The following NKX6-3 variants were observed in gnomAD, a reference collection of about 807,000 sequenced individuals.
The protein encoded by NKX6-3 is NK6 homeobox 3, also known as homeobox protein Nkx-6.3.
In NKX6-3, 17 loss-of-function variants were observed where a neutral mutation model predicts 22.0. The ratio of observed to expected loss-of-function variants is 0.77; its 90% CI spans 0.53 to 1.16. NKX6-3 has a LOEUF of 1.16. Ranked by LOEUF, NKX6-3 falls within the 50% of genes most tolerant of loss-of-function variation. The pLI, the probability that NKX6-3 is intolerant of heterozygous loss-of-function variation, is 0.00. For synonymous variants in NKX6-3, 177 were observed against 167.2 expected, an observed-to-expected ratio of 1.06 and a Z score of -0.45; for missense variants, 363 against 359.0, an observed-to-expected ratio of 1.01 and a Z score of -0.09.
At position 41,650,617 on chromosome 8, in the gene NKX6-3, C is replaced by T; in HGVS notation, c.-125G>A. 1.0e-6 allele frequency: 1 copy of T among 995,104 alleles called. No homozygotes were observed. The highest frequency in any genetic ancestry group is 1.4e-6 in the Non-Finnish European group (1 of 696,304). 61.6% of individuals were successfully genotyped at this position (995,104 alleles called of 1,614,324 possible). On this transcript the variant is annotated 5_prime_UTR_variant, in exon 1 of 3. Transcript: ENST00000518699. ...CGTCTCCGAGCTCCTGACTGCCTCC[C>T]ACCTAAGGCATGGGCCAGGCCCTGG...
rs1230778561 is a variant in NKX6-3 at position 41,646,387 on chromosome 8, G to A, written c.*62C>T. ...AGGAGCGTGGGGAAGGGGAGGGGAAGGTAGGCTCCTCGGCGTCCCCCCGCA... is the reference window on the plus strand; with the variant it reads ...AGGAGCGTGGGGAAGGGGAGGGGAAAGTAGGCTCCTCGGCGTCCCCCCGCA... On this transcript the variant is annotated 3_prime_UTR_variant, in exon 3 of 3. Transcript: ENST00000518699. 2 of 1,533,640 alleles carry A rather than the reference G, an allele frequency of 1.3e-6. No individual in the cohort carries two copies. The highest frequency in any genetic ancestry group is 1.7e-6 in the Non-Finnish European group (2 of 1,145,652).
chr8:41,648,021 A>C, intron 2 of NKX6-3, 45 bp downstream of exon 2: 1 of 1,481,074 alleles, frequency 6.8e-7, no homozygotes, highest in Non-Finnish European at 9.0e-7. Context: ...CCTGTCCGGC[A>C]GGCTCCTCCC....
In NKX6-3 at chr8:41,646,387, G is replaced by C. The variant is rs1230778561; in HGVS notation, c.*62C>G. The C allele has an allele frequency of 2.2e-5, 33 of 1,533,758 alleles. No individual in the cohort carries two copies. The South Asian group carries it at 3.7e-4, about 17-fold the overall frequency. On this transcript the variant is annotated 3_prime_UTR_variant, in exon 3 of 3. Coordinates refer to ENST00000518699, the MANE Select transcript of NKX6-3 (RefSeq NM_001364841.2). ...AGGAGCGTGGGGAAGGGGAGGGGAA[G>C]GTAGGCTCCTCGGCGTCCCCCCGCA...
chr8:41,646,299 T>G lies in NKX6-3; in HGVS notation c.*150A>C, dbSNP rs1359513743. The G allele has an allele frequency of 2.5e-4, 240 of 975,010 alleles. 2 individuals are homozygous for G. Among genetic ancestry groups the G allele is most frequent in the Non-Finnish European group, 3.7e-5 (25 of 678,358 alleles). 60.4% of individuals were successfully genotyped at this position (975,010 alleles called of 1,614,324 possible). A position where few individuals can be genotyped will look rare whatever the true frequency, so the allele number is the denominator to read the frequency against. ...TCCCCCGCCTCCCCTCCTCCTCCCC[T>G]GCACCTGCTGCTCCTCCTCCACGCG... On this transcript the variant is annotated 3_prime_UTR_variant, in exon 3 of 3. Transcript: ENST00000518699.
chr8:41,649,982 G>A, intron 1 of NKX6-3, 129 bp downstream of exon 1: 1 of 1,010,534 alleles, frequency 9.9e-7, no homozygotes. Flanking sequence ...GAGGCTACGA[G>A]TCCAGGGGTT....
In NKX6-3 at chr8:41,646,400, G is replaced by T. The variant is rs1804200505; in HGVS notation, c.*49C>A. On this transcript the variant is annotated 3_prime_UTR_variant, in exon 3 of 3. Transcript: ENST00000518699. ...AGGGGAGGGGAAGGTAGGCTCCTCG[G>T]CGTCCCCCCGCAGGCTGCAGCCAGG... The T allele has an allele frequency of 1.3e-6, 2 of 1,544,324 alleles. No homozygotes were observed. Among genetic ancestry groups the T allele is most frequent in the South Asian group, 2.4e-5 (2 of 84,316 alleles).
At chr8:41,648,265 T>A in intron 1 of NKX6-3, 30 bp from the exon 2 acceptor site, 1 of 1,517,220 alleles carries the variant, frequency 6.6e-7, no homozygotes, top group Non-Finnish European at 8.8e-7. Context: ...GTGGGGTTAG[T>A]AGAATAAGTG....
At position 41,650,452 on chromosome 8, in the gene NKX6-3, G is replaced by A. The variant is rs1804296393; in HGVS notation, c.41C>T (p.Thr14Met). The A allele has an allele frequency of 2.6e-6, 4 of 1,535,630 alleles. No individual in the cohort carries two copies. Among genetic ancestry groups the A allele is most frequent in the Admixed American group, 2.0e-5 (1 of 50,976 alleles). The change falls in exon 1 of 3, where the codon ACG becomes ATG. Residue 14 changes from threonine (T) to methionine (M), a missense_variant. Physicochemically the swap from Thr to Met is moderately conservative, Grantham distance 81 (BLOSUM62 -1). Around this residue, in one of 3 missense-constraint regions of NKX6-3, gnomAD observed 175 missense variants for 160.9 expected, o/e 1.09. Transcript: ENST00000518699. The part of the protein sequence containing the change: ...NLQGTFLLNN[T>M]PLAQFPEMKA... ...CATCTCCGGAAACTGAGCCAGCGGC[G>A]TGTTGTTCAGCAGGAACGTCCCCTG...
At chr8:41,649,360 G>C (rs1239262919) in intron 1 of NKX6-3, among the ~76,000 whole-genome samples, 2 of 152,182 alleles carry the variant, frequency 1.3e-5, no homozygotes, top group Admixed American at 6.5e-5. Flanking sequence ...CGGTGGCACG[G>C]AGAAGATTCC....
chr8:41,646,277 C>T lies in NKX6-3; in HGVS notation c.*172G>A, dbSNP rs1289557524. On this transcript the variant is annotated 3_prime_UTR_variant, in exon 3 of 3. Transcript: ENST00000518699. ...CTTTCCCTCCTTTTCCTCCTCCTCC[C>T]CCGCCTCCCCTCCTCCTCCCCTGCA... 3 of 867,792 alleles carry T rather than the reference C, an allele frequency of 3.5e-6. No individual in the cohort carries two copies. Among genetic ancestry groups the T allele is most frequent in the Non-Finnish European group, 3.5e-6 (2 of 578,828 alleles). The allele number at this position is 867,792 out of a possible 1,614,324, so 53.8% of individuals were successfully genotyped here.
rs913614028 is a variant in NKX6-3 at position 41,645,728 on chromosome 8, G to C, written c.*721C>G. On this transcript the variant is annotated 3_prime_UTR_variant, in exon 3 of 3. Coordinates refer to ENST00000518699, the MANE Select transcript of NKX6-3 (RefSeq NM_001364841.2). ...GCGGTCTCAGAGGTATTGACCCTGA[G>C]GGTAAATCGGAGAAAGGAGGCCAGG... 1 of 152,470 alleles carries C rather than the reference G, an allele frequency of 6.6e-6. No individual in the cohort carries two copies. The highest frequency in any genetic ancestry group is 1.5e-5 in the Non-Finnish European group (1 of 68,244). The allele number at this position is 152,470 out of a possible 1,614,324, so 9.4% of individuals were successfully genotyped here.
chr8:41,650,631 G>GCCAGGCCCTGGC lies in NKX6-3; in HGVS notation c.-151_-140dup, dbSNP rs1433326903. On this transcript the variant is annotated 5_prime_UTR_variant, in exon 1 of 3. Transcript: ENST00000518699. ...TGACTGCCTCCCACCTAAGGCATGG[G>GCCAGGCCCTGGC]CCAGGCCCTGGCCCAGGAACCGGCA... The GCCAGGCCCTGGC allele has an allele frequency of 1.7e-5, 15 of 895,314 alleles. No homozygotes were observed. The highest frequency in any genetic ancestry group is 2.9e-5 in the Admixed American group (1 of 34,236). The allele number at this position is 895,314 out of a possible 1,614,324, so 55.5% of individuals were successfully genotyped here. A position where few individuals can be genotyped will look rare whatever the true frequency, so the allele number is the denominator to read the frequency against.
chr8:41,648,398 AGTGACT>A (rs1408153784), intron 1 of NKX6-3, among the ~76,000 whole-genome samples, 163 bp from the exon 2 acceptor site: 3 of 152,156 alleles, frequency 2.0e-5, no homozygotes, highest in Non-Finnish European at 4.4e-5. Flanking sequence ...ATTGGGGAAC[AGTGACT>A]GTGACCTCTG....
chr8:41,649,701 C>A (rs1203895777), intron 1 of NKX6-3, among the ~76,000 whole-genome samples: 1 of 152,196 alleles, frequency 6.6e-6, no homozygotes, highest in Non-Finnish European at 1.5e-5. Flanking sequence ...GGAAGGTGAG[C>A]TAGGACATTT....
Position 41,646,400 on chromosome 8 carries a change from G to A in NKX6-3, c.*49C>T. 3 of 1,544,324 alleles carry A rather than the reference G, an allele frequency of 1.9e-6. No homozygotes were observed. Among genetic ancestry groups the A allele is most frequent in the Non-Finnish European group, 2.6e-6 (3 of 1,150,666 alleles). On this transcript the variant is annotated 3_prime_UTR_variant, in exon 3 of 3. Coordinates refer to ENST00000518699, the MANE Select transcript of NKX6-3 (RefSeq NM_001364841.2). ...AGGGGAGGGGAAGGTAGGCTCCTCG[G>A]CGTCCCCCCGCAGGCTGCAGCCAGG...
At chr8:41,649,319 T>C (rs1052806213) in intron 1 of NKX6-3, among the ~76,000 whole-genome samples, 1 of 151,996 alleles carries the variant, frequency 6.6e-6, no homozygotes, top group Non-Finnish European at 1.5e-5. Context: ...CAGACAGAAA[T>C]GGAGGCCCCT....
chr8:41,646,583 C>T lies in NKX6-3; in HGVS notation c.664G>A (p.Ala222Thr), dbSNP rs1055665503. The T allele has an allele frequency of 1.3e-6, 2 of 1,579,706 alleles. No homozygotes were observed. The highest frequency in any genetic ancestry group is 1.7e-6 in the Non-Finnish European group (2 of 1,163,526). The change falls in exon 3 of 3, where the codon GCA becomes ACA. Residue 222 changes from alanine to threonine, a missense_variant. Physicochemically the swap from Ala to Thr is moderately conservative, Grantham distance 58. Coordinates refer to ENST00000518699, the MANE Select transcript of NKX6-3 (RefSeq NM_001364841.2). ...TCGTCGTCCTCGTTCTCCGAGGGTG[C>T]GCGGTCCCCGCCTGCGCCTGCACCC... ...GAGAGAGGDR[A>T]PSENEDDEYN...
rs1585693045 is a variant in NKX6-3 at position 41,645,515 on chromosome 8, T to A, written c.*934A>T. ...CTCCCTTCCTGCCTTGTTGGAGGGGTGCCGTTCTGGGGTCTTTCCCAGCCC... is the reference window on the plus strand; with the variant it reads ...CTCCCTTCCTGCCTTGTTGGAGGGGAGCCGTTCTGGGGTCTTTCCCAGCCC... On this transcript the variant is annotated 3_prime_UTR_variant, in exon 3 of 3. Transcript: ENST00000518699. 6.6e-6 allele frequency: 1 copy of A among 152,194 alleles called. No individual in the cohort carries two copies. Among genetic ancestry groups the A allele is most frequent in the African/African-American group, 2.4e-5 (1 of 41,384 alleles). The allele number at this position is 152,194 out of a possible 1,614,324, so 9.4% of individuals were successfully genotyped here. A position where few individuals can be genotyped will look rare whatever the true frequency, so the allele number is the denominator to read the frequency against.
In NKX6-3 at chr8:41,650,332, C is replaced by T. The variant is rs1585696818; in HGVS notation, c.161G>A (p.Gly54Glu). ...GPQLAAGTPH[G>E]ITDILSRPVA... ...GGGCCTGCTCAGGATGTCCGTGATC[C>T]CGTGGGGGGTTCCGGCGGCCAGCTG... The change falls in exon 1 of 3, where the codon GGG (glycine) becomes GAG (glutamate). Residue 54 changes from glycine (G) to glutamate (E), a missense_variant. Transcript: ENST00000518699. 2.0e-6 allele frequency: 3 copies of T among 1,534,982 alleles called. No individual in the cohort carries two copies. Among genetic ancestry groups the T allele is most frequent in the Non-Finnish European group, 2.6e-6 (3 of 1,146,320 alleles).
Sources: allele counts gnomAD v4.1 joint callset (sites outside exome capture counted in the v4.1 genomes callset), GRCh38; gene constraint gnomAD v4.1.1; regional missense constraint gnomAD v4.1.1; transcripts MANE v1.5; gene names NCBI Gene and HGNC (gene_info 2026-07-23, HGNC 2026-07-21).